TRIP12: variants seen among roughly 807,000 people sequenced by gnomAD.
The protein encoded by TRIP12 is thyroid hormone receptor interactor 12.
Under a neutral mutation model 244.2 loss-of-function variants are expected in TRIP12, and 25 were observed. The ratio of observed to expected loss-of-function variants is 0.10; its 90% CI spans 0.07 to 0.14. The LOEUF is 0.14. Ranked by LOEUF, TRIP12 falls within the 10% of genes least tolerant of loss-of-function variation. The pLI, the probability that TRIP12 is intolerant of heterozygous loss-of-function variation, is 1.00. For synonymous variants in TRIP12, 905 were observed against 873.1 expected, an observed-to-expected ratio of 1.04 and a Z score of -0.64; for missense variants, 1,677 against 2,486.4, an observed-to-expected ratio of 0.67 and a Z score of 6.92.
At chr2:229,885,758 C>T (rs1166003892) in intron 1 of TRIP12, among the ~76,000 whole-genome samples, 2 of 152,106 alleles carry the variant, frequency 1.3e-5, no homozygotes, top group South Asian at 2.1e-4. Context: ...TTGAGAGGTG[C>T]CGAGAAACAA....
intron 2 of TRIP12, among the ~76,000 whole-genome samples, chr2:229,862,342 T>C (rs1351151703): frequency 4.6e-5 from 7 of 152,144 alleles, no homozygotes. Flanking sequence ...TCTTCAGAAA[T>C]GAGACTATTT....
intron 23 of TRIP12, 105 bp from the exon 24 acceptor site, chr2:229,797,936 T>A (rs1265564803): frequency 8.3e-7 from 1 of 1,198,128 alleles, no homozygotes; most frequent in African/African-American, 1.5e-5. Flanking sequence ...TCCTGGTCTA[T>A]GCTTACAGTT....
At chr2:229,899,518 ACTGGAAT>A (rs1415460087) in intron 1 of TRIP12, among the ~76,000 whole-genome samples, 2 of 152,198 alleles carry the variant, frequency 1.3e-5, no homozygotes, top group Non-Finnish European at 2.9e-5. Flanking sequence ...CAGCGGTGAT[ACTGGAAT>A]CTTTGGTAGG....
intron 34 of TRIP12, among the ~76,000 whole-genome samples, chr2:229,782,593 G>A (rs2038602129): frequency 6.6e-6 from 1 of 152,150 alleles, no homozygotes; most frequent in African/African-American, 2.4e-5. Flanking sequence ...CTAGCATGCA[G>A]TATACTTTCC....
At chr2:229,897,712 C>T (rs2069284489) in intron 1 of TRIP12, among the ~76,000 whole-genome samples, 1 of 152,216 alleles carries the variant, frequency 6.6e-6, no homozygotes, top group Admixed American at 6.5e-5. Flanking sequence ...GTTCTCTATA[C>T]TTCTGCATAA....
At position 229,815,083 on chromosome 2, in the gene TRIP12, G is replaced by A; in HGVS notation, c.1731+16C>T. On this transcript the variant is annotated intron_variant, in intron 11 of 41. Transcript: ENST00000675903. ...CTATGCCTGCTTTTGAACAAACGGG[G>A]TAAAAGTAGGATCACCTTTTCTAAA... 1 of 1,594,458 alleles carries A rather than the reference G, an allele frequency of 6.3e-7. No individual in the cohort carries two copies. Among genetic ancestry groups the A allele is most frequent in the Non-Finnish European group, 8.5e-7 (1 of 1,169,768 alleles).
intron 1 of TRIP12, among the ~76,000 whole-genome samples, chr2:229,891,579 G>A (rs1307701008): frequency 6.6e-6 from 1 of 152,112 alleles, no homozygotes; most frequent in African/African-American, 2.4e-5. Flanking sequence ...TCCAACCTGG[G>A]TGACAGAGGG....
At chr2:229,905,610 T>G (rs906132872) in intron 1 of TRIP12, among the ~76,000 whole-genome samples, 1 of 152,216 alleles carries the variant, frequency 6.6e-6, no homozygotes, top group Admixed American at 6.5e-5. Flanking sequence ...ATAACGAATA[T>G]ACTTTTAAAA....
chr2:229,919,280 G>C (rs2076060942), intron 1 of TRIP12, among the ~76,000 whole-genome samples: 1 of 152,140 alleles, frequency 6.6e-6, no homozygotes, highest in South Asian at 2.1e-4. Flanking sequence ...GCCGGGCGTG[G>C]TGGCGCGTGC....
chr2:229,911,146 C>G (rs919025633), intron 1 of TRIP12, among the ~76,000 whole-genome samples: 2 of 152,204 alleles, frequency 1.3e-5, no homozygotes, highest in African/African-American at 4.8e-5. Flanking sequence ...AGCAGTAAAA[C>G]AGATAGACTT....
chr2:229,855,726 CTCCTTGGAATACATT>C (rs2154332587), intron 4 of TRIP12, among the ~76,000 whole-genome samples: 1 of 151,936 alleles, frequency 6.6e-6, no homozygotes, highest in East Asian at 1.9e-4. Context: ...GTTATTTCAT[CTCCTTGGAATACATT>C]TCCTTGATAA....
intron 16 of TRIP12, 145 bp downstream of exon 16, chr2:229,808,107 C>T: frequency 1.4e-6 from 1 of 705,502 alleles, no homozygotes; most frequent in South Asian, 1.9e-5. Context: ...GCTGGGATTA[C>T]AGGCGCCCGC....
chr2:229,798,953 T>C lies in TRIP12; in HGVS notation c.3404A>G (p.Asn1135Ser), dbSNP rs1336956354. The C allele has an allele frequency of 6.2e-7, 1 of 1,614,140 alleles. No homozygotes were observed. Among genetic ancestry groups the C allele is most frequent in the Non-Finnish European group, 8.5e-7 (1 of 1,180,058 alleles). Residue 1135 changes from asparagine (N) to serine (S), a missense_variant, in exon 23 of 42, where the codon AAC (asparagine) becomes AGC (serine). This residue lies in a region of TRIP12 where 572 missense variants were observed against 867.8 expected (regional missense o/e 0.66). Transcript: ENST00000675903. ...CGCAGTCCGTGCTGGCTCAATGTTG[T>C]TGCTGTTGGACTGTGTACTTAACCT... is the stretch of plus-strand genomic sequence containing the variant. ...WGRLSTQSNS[N>S]NIEPARTAGG...
chr2:229,799,989 G>A (rs542634424), intron 21 of TRIP12, among the ~76,000 whole-genome samples: 2 of 152,088 alleles, frequency 1.3e-5, no homozygotes, highest in African/African-American at 4.8e-5. Context: ...TAGTATATAA[G>A]TACATAAAGC....
rs377209127 is a variant in TRIP12 at position 229,861,381 on chromosome 2, G to T, written c.99-850C>A. Among the ~76,000 whole-genome samples the T allele has an allele frequency of 2.0e-5, 3 of 152,128 alleles. No individual in the cohort carries two copies. The South Asian group carries it at 6.2e-4, about 32-fold the overall frequency. On this transcript the variant is annotated intron_variant, in intron 2 of 41. Transcript: ENST00000675903. Reference sequence around the variant, plus strand: ...AAGCAATAAAAAACAAACACATGTTGATATCCAGAAAACTGCTGCCATTCG... The same window carrying T: ...AAGCAATAAAAAACAAACACATGTTTATATCCAGAAAACTGCTGCCATTCG...
At chr2:229,794,548 AAAGT>A (rs1034585794) in intron 26 of TRIP12, among the ~76,000 whole-genome samples, 2 of 151,164 alleles carry the variant, frequency 1.3e-5, no homozygotes, top group Non-Finnish European at 2.9e-5. Context: ...CTTGGGCAAC[AAAGT>A]AAGACTCTGT....
intron 27 of TRIP12, 23 bp from the exon 28 acceptor site, chr2:229,792,249 A>G (rs765054735): frequency 6.2e-7 from 1 of 1,609,124 alleles, no homozygotes; most frequent in East Asian, 2.2e-5. Context: ...GTAGACTTTT[A>G]AACTCTTAGC....
At chr2:229,864,077 T>TGTGTGTGTGC (rs887815926) in intron 2 of TRIP12, among the ~76,000 whole-genome samples, 1 of 140,544 alleles carries the variant, frequency 7.1e-6, no homozygotes, top group African/African-American at 2.6e-5. Flanking sequence ...TGTGTGTGTG[T>TGTGTGTGTGC]GCACGCGCAC....
intron 8 of TRIP12, among the ~76,000 whole-genome samples, chr2:229,824,523 A>C (rs995055290): frequency 7.9e-5 from 12 of 152,096 alleles, no homozygotes; most frequent in South Asian, 2.1e-4. Context: ...AGAAAAAAAA[A>C]CTGAAAACTC....
Sources: gnomAD v4.1 joint callset for allele counts (sites outside exome capture counted in the v4.1 genomes callset) on GRCh38, gnomAD v4.1.1 for gene constraint, gnomAD v4.1.1 regional missense constraint, MANE v1.5 for transcripts, NCBI Gene and HGNC (gene_info 2026-07-23, HGNC 2026-07-21) for gene names.